Variants in MBD5 observed in about 807,000 individuals in gnomAD.
MBD5 encodes the protein methyl-CpG binding domain protein 5.
Under a neutral mutation model 117.3 loss-of-function variants are expected in MBD5, and 13 were observed. The ratio of observed to expected loss-of-function variants is 0.11; its 90% confidence interval spans 0.07 to 0.18. The LOEUF (loss-of-function observed/expected upper bound fraction) is 0.18. Ranked by LOEUF, MBD5 falls within the 10% of genes least tolerant of loss-of-function variation. The probability of loss-of-function intolerance (pLI) is 1.00; values close to 1 mark genes in which losing one functional copy is unlikely to be tolerated. For missense variants in MBD5, 1,879 were observed against 2,093.8 expected (o/e 0.90, Z 2.00); for synonymous variants, 727 against 766.4 (o/e 0.95, Z 0.85).
chr2:148,045,368 ATTACT>A (rs1263239367), intron 1 of MBD5, among the ~76,000 whole-genome samples: 1 of 152,336 alleles, frequency 6.6e-6, no homozygotes, highest in Non-Finnish European at 1.5e-5. Context: ...AAATTTGAAC[ATTACT>A]TTAAAATATA....
chr2:148,390,719 G>C lies in MBD5; in HGVS notation c.-557+48383G>C, dbSNP rs115734351. On this transcript the variant is annotated intron_variant, in intron 4 of 13. Transcript: ENST00000642680. ...TCCTCCCAAGTAGCTGGCATTACAG[G>C]CATGCACCACACCCAGCTAAATTTT... Among the ~76,000 whole-genome samples, 1,356 of 151,858 alleles carry C rather than the reference G, an allele frequency of 8.9e-3. 20 individuals are homozygous for C. The highest frequency in any genetic ancestry group is 0.031 in the African/African-American group (1,299 of 41,372).
At chr2:148,435,314 C>T (rs1339858947) in intron 4 of MBD5, among the ~76,000 whole-genome samples, 2 of 152,070 alleles carry the variant, frequency 1.3e-5, no homozygotes, top group Non-Finnish European at 2.9e-5. Context: ...GTGTTGTTAG[C>T]TGGTTATGCA....
intron 4 of MBD5, among the ~76,000 whole-genome samples, chr2:148,392,433 C>A (rs557326633): frequency 6.6e-6 from 1 of 152,178 alleles, no homozygotes; most frequent in Admixed American, 6.5e-5. Context: ...CTACCCTAGT[C>A]TTCTCAATCT....
chr2:148,320,513 G>A (rs993628476), intron 3 of MBD5, among the ~76,000 whole-genome samples: 1 of 151,970 alleles, frequency 6.6e-6, no homozygotes, highest in African/African-American at 2.4e-5. Context: ...GTGCCACCAT[G>A]CCCAGCTAAT....
chr2:148,260,938 G>A (rs1700717388), intron 3 of MBD5, among the ~76,000 whole-genome samples: 1 of 152,166 alleles, frequency 6.6e-6, no homozygotes, highest in Non-Finnish European at 1.5e-5. Context: ...TCGTCTCTTT[G>A]TACATCTCCA....
At chr2:148,056,766 G>A (rs139157396) in intron 1 of MBD5, among the ~76,000 whole-genome samples, 10 of 151,800 alleles carry the variant, frequency 6.6e-5, no homozygotes, top group East Asian at 1.9e-4. Flanking sequence ...GAGTCCATAC[G>A]TTTTTTCTAT....
intron 3 of MBD5, among the ~76,000 whole-genome samples, chr2:148,263,329 T>G (rs545124674): frequency 1.3e-5 from 2 of 152,286 alleles, no homozygotes; most frequent in East Asian, 3.9e-4. Context: ...GGCACAAATG[T>G]ACACAGTTGT....
intron 1 of MBD5, among the ~76,000 whole-genome samples, chr2:148,067,096 TA>T (rs1695219861): frequency 6.6e-6 from 1 of 152,194 alleles, no homozygotes; most frequent in African/African-American, 2.4e-5. Flanking sequence ...TGGTTAATGC[TA>T]AGAAACACTA....
chr2:148,110,726 T>A (rs1696486538), intron 1 of MBD5, among the ~76,000 whole-genome samples: 1 of 152,026 alleles, frequency 6.6e-6, no homozygotes, highest in African/African-American at 2.4e-5. Flanking sequence ...CTCATCTTAT[T>A]TGGATGCTGG....
intron 12 of MBD5, among the ~76,000 whole-genome samples, chr2:148,503,877 G>T (rs1681946489): frequency 6.6e-6 from 1 of 152,230 alleles, no homozygotes; most frequent in Admixed American, 6.5e-5. Context: ...CAGTGGGCCA[G>T]TTGCTGTAAA....
At position 148,021,532 on chromosome 2, in the gene MBD5, G is replaced by A. The variant is rs1204195595; in HGVS notation, c.-1077G>A. Reference sequence around the variant, plus strand: ...GCTGCTACTGCTGCTGCTTGGCCCTGGCTGGAGACATCTCACTACACCCAG... The same window carrying A: ...GCTGCTACTGCTGCTGCTTGGCCCTAGCTGGAGACATCTCACTACACCCAG... On this transcript the variant is annotated 5_prime_UTR_variant, in exon 1 of 14. Transcript: ENST00000642680. The A allele has an allele frequency of 1.8e-6, 1 of 564,116 alleles. No individual in the cohort carries two copies. The highest frequency in any genetic ancestry group is 1.5e-5 in the South Asian group (1 of 65,996). 34.9% of individuals were successfully genotyped at this position (564,116 alleles called of 1,614,324 possible).
intron 3 of MBD5, among the ~76,000 whole-genome samples, chr2:148,244,631 T>C (rs979078678): frequency 6.6e-6 from 1 of 152,220 alleles, no homozygotes; most frequent in Non-Finnish European, 1.5e-5. Context: ...TCAACAAATA[T>C]TTACTGAGTG....
intron 1 of MBD5, among the ~76,000 whole-genome samples, chr2:148,104,758 A>G (rs936283044): frequency 1.3e-5 from 2 of 152,106 alleles, no homozygotes; most frequent in African/African-American, 2.4e-5. Flanking sequence ...GGGCTTTCTG[A>G]TTTAAACCTA....
chr2:148,148,071 C>A (rs751628079), intron 1 of MBD5, among the ~76,000 whole-genome samples: 1 of 152,120 alleles, frequency 6.6e-6, no homozygotes, highest in Admixed American at 6.5e-5. Flanking sequence ...AAAGCCATCT[C>A]CAACACCTGC....
At chr2:148,069,788 G>A (rs887189502) in intron 1 of MBD5, among the ~76,000 whole-genome samples, 4 of 152,060 alleles carry the variant, frequency 2.6e-5, no homozygotes, top group Admixed American at 6.6e-5. Flanking sequence ...TAAGCCATTG[G>A]TGATTCTTTT....
chr2:148,299,119 T>TA (rs1003006104), intron 3 of MBD5, among the ~76,000 whole-genome samples: 4 of 151,708 alleles, frequency 2.6e-5, no homozygotes, highest in African/African-American at 9.7e-5. Context: ...CTCCATCCTC[T>TA]GTTTAAAGAA....
intron 4 of MBD5, among the ~76,000 whole-genome samples, chr2:148,401,887 T>C (rs1002917090): frequency 1.3e-5 from 2 of 152,172 alleles, no homozygotes; most frequent in Admixed American, 1.3e-4. Flanking sequence ...CTCCTTACTT[T>C]CATGACCTTG....
chr2:148,210,621 A>T (rs1427333173), intron 2 of MBD5, among the ~76,000 whole-genome samples: 1 of 152,026 alleles, frequency 6.6e-6, no homozygotes. Flanking sequence ...ATATGTTAGA[A>T]TCTAGTAATC....
chr2:148,212,577 A>G (rs1241740208), intron 2 of MBD5, among the ~76,000 whole-genome samples: 1 of 152,176 alleles, frequency 6.6e-6, no homozygotes, highest in Admixed American at 6.5e-5. Flanking sequence ...TGTATTTTAG[A>G]CATTAAAAAG....
Sources: gnomAD v4.1 joint callset for allele counts (sites outside exome capture counted in the v4.1 genomes callset) on GRCh38, gnomAD v4.1.1 for gene constraint, MANE v1.5 for transcripts, NCBI Gene and HGNC (gene_info 2026-07-23, HGNC 2026-07-21) for gene names.